The following NCAM2 variants were observed in gnomAD, a reference collection of about 807,000 sequenced individuals.
The protein encoded by NCAM2 is N-CAM-2.
In NCAM2, 30 loss-of-function variants were observed where a neutral mutation model predicts 98.1. That is an observed-to-expected ratio of 0.31 (90% confidence interval 0.23 to 0.41). NCAM2 has a LOEUF of 0.41. Ranked by LOEUF, NCAM2 falls within the 10% of genes least tolerant of loss-of-function variation. The pLI is 1.00. For missense variants in NCAM2, 867 were observed against 1,005.8 expected, an observed-to-expected ratio of 0.86 and a Z score of 1.87; for synonymous variants, 368 against 342.4, an observed-to-expected ratio of 1.07 and a Z score of -0.83.
At chr21:21,226,402 T>C (rs1601700493) in intron 1 of NCAM2, among the ~76,000 whole-genome samples, 1 of 152,240 alleles carries the variant, frequency 6.6e-6, no homozygotes, top group East Asian at 1.9e-4. Flanking sequence ...TAGGTTGATA[T>C]TCATTACCTC....
chr21:21,221,450 G>A (rs4816848), intron 1 of NCAM2, among the ~76,000 whole-genome samples: 152,316 of 152,316 alleles, frequency 1, 76,158 homozygotes, highest in Non-Finnish European at 1. Context: ...GTTGGTAATT[G>A]AAAGGAGAGT....
intron 1 of NCAM2, among the ~76,000 whole-genome samples, chr21:21,198,610 A>T (rs1202562791): frequency 6.6e-6 from 1 of 152,190 alleles, no homozygotes; most frequent in African/African-American, 2.4e-5. Context: ...CTTGTCCTCA[A>T]GATTCACTTT....
chr21:21,077,088 A>T (rs2146388118), intron 1 of NCAM2, among the ~76,000 whole-genome samples: 1 of 152,290 alleles, frequency 6.6e-6, no homozygotes, highest in African/African-American at 2.4e-5. Context: ...GATCTTGAGC[A>T]AGTTACTCAG....
chr21:21,497,329 C>A (rs1569119814), intron 15 of NCAM2, among the ~76,000 whole-genome samples: 1 of 152,034 alleles, frequency 6.6e-6, no homozygotes, highest in Non-Finnish European at 1.5e-5. Flanking sequence ...TGCACATATA[C>A]CCCCTACATC....
intron 16 of NCAM2, among the ~76,000 whole-genome samples, chr21:21,533,789 C>A (rs1989840110): frequency 6.6e-6 from 1 of 151,516 alleles, no homozygotes; most frequent in Non-Finnish European, 1.5e-5. Context: ...AGTTGTGAGG[C>A]ATGAAACATT....
chr21:21,340,377 G>A (rs2074991770), intron 8 of NCAM2, among the ~76,000 whole-genome samples: 1 of 151,858 alleles, frequency 6.6e-6, no homozygotes, highest in Non-Finnish European at 1.5e-5. Context: ...ATGTCATCAA[G>A]TAACAAGAAA....
At chr21:21,373,252 C>T (rs2075960727) in intron 8 of NCAM2, among the ~76,000 whole-genome samples, 1 of 151,818 alleles carries the variant, frequency 6.6e-6, no homozygotes, top group Non-Finnish European at 1.5e-5. Flanking sequence ...GGGATGAAAT[C>T]TGAAGTTCCA....
chr21:21,181,578 C>G (rs894406265), intron 1 of NCAM2, among the ~76,000 whole-genome samples: 1 of 152,104 alleles, frequency 6.6e-6, no homozygotes, highest in African/African-American at 2.4e-5. Context: ...GCCACACATC[C>G]TTCGTAGGAC....
chr21:21,333,757 A>G (rs1295270499), intron 6 of NCAM2, among the ~76,000 whole-genome samples: 2 of 151,626 alleles, frequency 1.3e-5, no homozygotes, highest in Non-Finnish European at 2.9e-5. Context: ...CTACCGTGCT[A>G]TTATTATTAT....
chr21:21,300,324 C>T (rs2073665579), intron 5 of NCAM2, among the ~76,000 whole-genome samples: 1 of 151,986 alleles, frequency 6.6e-6, no homozygotes, highest in Admixed American at 6.6e-5. Context: ...AAGAGACTCT[C>T]AGGTAGAGTT....
chr21:21,493,082 TGTGACTCACG>T (rs1033972378), intron 15 of NCAM2, among the ~76,000 whole-genome samples: 1 of 151,966 alleles, frequency 6.6e-6, no homozygotes, highest in Non-Finnish European at 1.5e-5. Context: ...TATAATAGCC[TGTGACTCACG>T]GTCCTGTCAA....
intron 9 of NCAM2, among the ~76,000 whole-genome samples, chr21:21,409,620 A>G (rs1015125736): frequency 6.6e-6 from 1 of 152,184 alleles, no homozygotes; most frequent in African/African-American, 2.4e-5. Context: ...TGTTCCAGAA[A>G]TAGTTTCTAC....
intron 15 of NCAM2, among the ~76,000 whole-genome samples, chr21:21,477,965 C>T (rs1189113603): frequency 6.6e-6 from 1 of 152,092 alleles, no homozygotes; most frequent in African/African-American, 2.4e-5. Flanking sequence ...AAGACCTATA[C>T]CTAGAGTTTT....
intron 1 of NCAM2, among the ~76,000 whole-genome samples, chr21:21,087,730 T>C (rs887294747): frequency 2.0e-5 from 3 of 152,080 alleles, no homozygotes; most frequent in African/African-American, 7.2e-5. Flanking sequence ...TTGCATAAGG[T>C]ACTAAGGATG....
chr21:21,149,005 C>A (rs1397325867), intron 1 of NCAM2, among the ~76,000 whole-genome samples: 1 of 152,054 alleles, frequency 6.6e-6, no homozygotes, highest in African/African-American at 2.4e-5. Flanking sequence ...GATTATAGGA[C>A]CTTAGTTCAA....
chr21:21,394,670 G>A (rs936960097), intron 9 of NCAM2, among the ~76,000 whole-genome samples: 109 of 151,578 alleles, frequency 7.2e-4, no homozygotes, highest in African/African-American at 2.6e-3. Context: ...TGTATTTTTA[G>A]TAGAGACGGG....
At chr21:21,298,588 C>CAGACAGATAGATAGAT (rs34936749) in intron 5 of NCAM2, among the ~76,000 whole-genome samples, 138 of 147,644 alleles carry the variant, frequency 9.3e-4, no homozygotes, top group African/African-American at 1.5e-3. Context: ...ATGATAGATA[C>CAGACAGATAGATAGAT]AGATAGATAG....
chr21:21,213,162 T>C (rs955735813), intron 1 of NCAM2, among the ~76,000 whole-genome samples: 2 of 152,200 alleles, frequency 1.3e-5, no homozygotes, highest in Admixed American at 1.3e-4. Context: ...TCTTCTTTTT[T>C]ACTTTTTAAT....
At chr21:21,392,163 C>T (rs1212652804) in intron 9 of NCAM2, among the ~76,000 whole-genome samples, 1 of 152,164 alleles carries the variant, frequency 6.6e-6, no homozygotes, top group Non-Finnish European at 1.5e-5. Flanking sequence ...CATGTATTCT[C>T]ATCATTTAAC....
Sources: allele counts gnomAD v4.1 joint callset (sites outside exome capture counted in the v4.1 genomes callset), GRCh38; gene constraint gnomAD v4.1.1; transcripts MANE v1.5; gene names NCBI Gene and HGNC (gene_info 2026-07-23, HGNC 2026-07-21).